Variants in CAPN8 observed in about 807,000 individuals in gnomAD.
The protein encoded by CAPN8 is calpain 8, also known as calpain-8.
Under a neutral mutation model 80.9 loss-of-function variants are expected in CAPN8, and 87 were observed. The observed-to-expected ratio is 1.07, with a 90% confidence interval of 0.90 to 1.28. The LOEUF (loss-of-function observed/expected upper bound fraction) is 1.28. CAPN8 is among the 50% of genes most tolerant of loss of function. The probability of loss-of-function intolerance (pLI) is 0.00; values close to 1 mark genes in which losing one functional copy is unlikely to be tolerated. For missense variants in CAPN8, 757 were observed against 702.0 expected, an observed-to-expected ratio of 1.08 and a Z score of -0.89; for synonymous variants, 299 against 273.8, an observed-to-expected ratio of 1.09 and a Z score of -0.91.
chr1:223,627,241 A>G (rs1270029509), intron 4 of CAPN8, 84 bp from the exon 5 acceptor site: 1 of 1,409,572 alleles, frequency 7.1e-7, no homozygotes, highest in Admixed American at 2.2e-5. Context: ...GTGCTAGGAC[A>G]TACTGTGGCC....
intron 2 of CAPN8, among the ~76,000 whole-genome samples, chr1:223,654,030 A>C (rs1658411484): frequency 6.6e-6 from 1 of 152,228 alleles, no homozygotes; most frequent in Non-Finnish European, 1.5e-5. Context: ...ACAGTATAGC[A>C]CAGATATCTA....
chr1:223,638,906 G>A (rs1290209847), intron 2 of CAPN8, among the ~76,000 whole-genome samples: 1 of 152,170 alleles, frequency 6.6e-6, no homozygotes, highest in East Asian at 1.9e-4. Context: ...TTGCACATCT[G>A]GAAGTTGCCC....
At chr1:223,634,308 G>T (rs1258575847) in intron 2 of CAPN8, among the ~76,000 whole-genome samples, 8 of 152,126 alleles carry the variant, frequency 5.3e-5, no homozygotes, top group Non-Finnish European at 1.2e-4. Context: ...AGCCAGGAAA[G>T]GTCCACTGGA....
At chr1:223,545,035 C>CG in intron 17 of CAPN8, 185 bp from the exon 18 acceptor site, 1 of 1,391,628 alleles carries the variant, frequency 7.2e-7, no homozygotes, top group Admixed American at 2.4e-5. Context: ...CCTTTGCTGT[C>CG]TGAACAGCAG....
At chr1:223,640,575 C>T (rs1048610084) in intron 2 of CAPN8, among the ~76,000 whole-genome samples, 1 of 152,140 alleles carries the variant, frequency 6.6e-6, no homozygotes. Flanking sequence ...ATTCTGATTC[C>T]TTTTCCTCAC....
chr1:223,618,045 A>G, intron 9 of CAPN8: 1 of 590,206 alleles, frequency 1.7e-6, no homozygotes, highest in Non-Finnish European at 3.0e-6. Flanking sequence ...CCTAGCACCG[A>G]GCACAGCCCT....
intron 7 of CAPN8, 39 bp downstream of exon 7, chr1:223,622,776 A>C (rs923878565): frequency 1.4e-6 from 2 of 1,477,820 alleles, no homozygotes; most frequent in South Asian, 1.2e-5. Flanking sequence ...CCTTCCGCAG[A>C]GGGAGAGATG....
chr1:223,663,752 C>T lies in CAPN8; in HGVS notation c.237+1658G>A, dbSNP rs148193893. On this transcript the variant is annotated intron_variant, in intron 1 of 20. Coordinates refer to ENST00000366872, the MANE Select transcript of CAPN8 (RefSeq NM_001143962.2). The stretch of plus-strand genomic sequence containing the variant: ...GAATGGGAAGATGAACCACGGTGGG[C>T]GGGAGGGCAGCATGGCCAAGGAGTT... Among the ~76,000 whole-genome samples the T allele has an allele frequency of 8.8e-3, 1,334 of 152,224 alleles. 29 individuals carry two copies. The highest frequency in any genetic ancestry group is 0.029 in the African/African-American group (1,191 of 41,536).
chr1:223,610,211 C>A (rs1656997097), intron 11 of CAPN8, among the ~76,000 whole-genome samples: 1 of 152,212 alleles, frequency 6.6e-6, no homozygotes, highest in Non-Finnish European at 1.5e-5. Context: ...CTGTGTGACC[C>A]AGAGCTGAAA....
At chr1:223,647,038 G>A (rs1658211490) in intron 2 of CAPN8, among the ~76,000 whole-genome samples, 1 of 152,052 alleles carries the variant, frequency 6.6e-6, no homozygotes, top group African/African-American at 2.4e-5. Flanking sequence ...AGGTTCAGGG[G>A]GTGTCTTCCT....
At chr1:223,622,058 G>C (rs1388594110) in intron 7 of CAPN8, among the ~76,000 whole-genome samples, 3 of 152,082 alleles carry the variant, frequency 2.0e-5, no homozygotes, top group Admixed American at 6.6e-5. Context: ...CACCCGCCTA[G>C]GCCTCCCAAA....
At chr1:223,625,595 C>T (rs1657548605) in intron 6 of CAPN8, among the ~76,000 whole-genome samples, 1 of 152,252 alleles carries the variant, frequency 6.6e-6, no homozygotes, top group South Asian at 2.1e-4. Context: ...CCACACCTGG[C>T]CGGAAGAGCT....
intron 18 of CAPN8, 89 bp downstream of exon 18, chr1:223,544,683 A>T (rs1219240895): frequency 1.3e-6 from 2 of 1,522,052 alleles, no homozygotes; most frequent in African/African-American, 2.8e-5. Context: ...GCTACAAATG[A>T]TGATCATTAG....
intron 2 of CAPN8, among the ~76,000 whole-genome samples, chr1:223,631,469 A>G (rs1657771974): frequency 6.6e-6 from 1 of 152,006 alleles, no homozygotes; most frequent in African/African-American, 2.4e-5. Flanking sequence ...AGGCCACTTG[A>G]TTACATCTGT....
Position 223,622,935 on chromosome 1 carries a change from A to G in CAPN8, c.814-35T>C, listed in dbSNP as rs139610034. 3.6e-4 allele frequency: 544 copies of G among 1,507,040 alleles called. 2 individuals are homozygous for G. Among genetic ancestry groups the G allele is most frequent in the Middle Eastern group, 3.6e-3 (21 of 5,902 alleles). 93.4% of individuals were successfully genotyped at this position (1,507,040 alleles called of 1,614,324 possible). A position where few individuals can be genotyped will look rare whatever the true frequency, so the allele number is the denominator to read the frequency against. ...CCATACACAGAAAAGCGACTGAATT[A>G]CTATGCTCCTGTTGCCTTGCAGGCA... On this transcript the variant is annotated intron_variant, in intron 6 of 20. Transcript: ENST00000366872.
In CAPN8 at chr1:223,616,061, C is replaced by G. The variant is rs1175513866; in HGVS notation, c.1220G>C (p.Cys407Ser). 6.4e-7 allele frequency: 1 copy of G among 1,552,150 alleles called. No individual in the cohort carries two copies. The highest frequency in any genetic ancestry group is 1.4e-5 in the African/African-American group (1 of 73,076). ...DQEESIGEPC[C>S]TVLLGLMQKN... Reference sequence around the variant, plus strand: ...CTGCATCAGGCCCAGCAGCACTGTACAGCAGGGTTCACCGATGCTCTCCTC... The same window carrying G: ...CTGCATCAGGCCCAGCAGCACTGTAGAGCAGGGTTCACCGATGCTCTCCTC... Residue 407 changes from cysteine to serine, a missense_variant, in exon 10 of 21, where the codon TGT (cysteine) becomes TCT (serine). Physicochemically the swap from Cys to Ser is moderately radical, Grantham distance 112. Coordinates refer to ENST00000366872, the MANE Select transcript of CAPN8 (RefSeq NM_001143962.2).
At chr1:223,552,703 G>C (rs1358776915) in intron 14 of CAPN8, among the ~76,000 whole-genome samples, 1 of 152,000 alleles carries the variant, frequency 6.6e-6, no homozygotes, top group Non-Finnish European at 1.5e-5. Context: ...ATGAGGCCTT[G>C]TACCCTCAGC....
At chr1:223,632,111 A>G (rs1657789764) in intron 2 of CAPN8, among the ~76,000 whole-genome samples, 1 of 152,176 alleles carries the variant, frequency 6.6e-6, no homozygotes, top group Admixed American at 6.5e-5. Flanking sequence ...CTGACATTTC[A>G]CAGGGTCTAC....
chr1:223,643,854 C>T (rs575503910), intron 2 of CAPN8, among the ~76,000 whole-genome samples: 40 of 152,272 alleles, frequency 2.6e-4, no homozygotes, highest in African/African-American at 8.9e-4. Flanking sequence ...ACGGTAAACC[C>T]GTCCTAACCT....
Sources: gnomAD v4.1 joint callset for allele counts (sites outside exome capture counted in the v4.1 genomes callset) on GRCh38, gnomAD v4.1.1 for gene constraint, MANE v1.5 for transcripts, NCBI Gene and HGNC (gene_info 2026-07-23, HGNC 2026-07-21) for gene names.